NTM: variants seen among roughly 807,000 people sequenced by gnomAD.
The protein encoded by NTM is neurotrimin, also known as IgLON family member 2.
In NTM, 13 loss-of-function variants were observed where a neutral mutation model predicts 42.1. The observed-to-expected ratio is 0.31, with a 90% CI of 0.20 to 0.49. The LOEUF is 0.49. Among genes scored for constraint, NTM ranks in the 20% least tolerant of loss-of-function variants. NTM has a pLI of 0.99. For synonymous variants in NTM, 187 were observed against 179.2 expected, an observed-to-expected ratio of 1.04 and a Z score of -0.35; for missense variants, 373 against 452.8, an observed-to-expected ratio of 0.82 and a Z score of 1.60.
intron 4 of NTM, among the ~76,000 whole-genome samples, chr11:132,286,281 C>A (rs10750504): frequency 0.18 from 28,127 of 152,096 alleles, 3,047 homozygotes; most frequent in East Asian, 0.45. Context: ...TGGCCTATGG[C>A]AGTGCAGGCT....
Position 131,725,728 on chromosome 11 carries a change from C to T in NTM, c.83-185836C>T, listed in dbSNP as rs76186601. Among the ~76,000 whole-genome samples the T allele has an allele frequency of 9.2e-5, 14 of 152,252 alleles. No homozygotes were observed. In the East Asian group the frequency reaches 1.9e-3, roughly 21 times the overall value. On this transcript the variant is annotated intron_variant, in intron 1 of 8. Transcript: ENST00000683400. ...AGGCTGTTACAAATATTTAGCTCTTCGTTAGGAGTGAGATGGGAACACACT... is the reference window on the plus strand; with the variant it reads ...AGGCTGTTACAAATATTTAGCTCTTTGTTAGGAGTGAGATGGGAACACACT...
intron 2 of NTM, among the ~76,000 whole-genome samples, chr11:131,965,105 C>T (rs960389236): frequency 7.9e-5 from 12 of 151,904 alleles, no homozygotes; most frequent in Admixed American, 6.6e-4. Flanking sequence ...AGGGGAGCAT[C>T]GCAGAATGAG....
Position 131,521,520 on chromosome 11 carries a change from T to C in NTM, c.82+150632T>C, listed in dbSNP as rs996541185. Among the ~76,000 whole-genome samples, 4 of 144,806 alleles carry C rather than the reference T, an allele frequency of 2.8e-5. No individual in the cohort carries two copies. In the South Asian group the frequency reaches 9.6e-4, roughly 35 times the overall value. 95.0% of individuals were successfully genotyped at this position (144,806 alleles called of 152,430 possible). On this transcript the variant is annotated intron_variant, in intron 1 of 8. Coordinates refer to ENST00000683400, the MANE Select transcript of NTM (RefSeq NM_001352005.2). ...GCCTCCCAGGTTCAAGCCATTCTCC[T>C]GCCTCAGCCTCCCGAGTAGCTGGGA...
chr11:131,817,729 A>G (rs941847202), intron 1 of NTM, among the ~76,000 whole-genome samples: 12 of 152,162 alleles, frequency 7.9e-5, no homozygotes, highest in African/African-American at 2.9e-4. Flanking sequence ...CTCTGGTCCT[A>G]CCTTTCTGAG....
rs1377447854 is a variant in NTM, at chr11:132,104,989, A to T, written c.168-41293A>T. ...TATATATATATATATATATATATAT[A>T]TATTTCATGGGAAGCCAAATGAGGA... On this transcript the variant is annotated intron_variant, in intron 2 of 8. Coordinates refer to ENST00000683400, the MANE Select transcript of NTM (RefSeq NM_001352005.2). Among the ~76,000 whole-genome samples, 393 of 104,540 alleles carry T rather than the reference A, an allele frequency of 3.8e-3. 3 individuals are homozygous for T. The highest frequency in any genetic ancestry group is 5.9e-3 in the Non-Finnish European group (312 of 52,642). The allele number at this position is 104,540 out of a possible 152,430, so 68.6% of individuals were successfully genotyped here.
intron 1 of NTM, among the ~76,000 whole-genome samples, chr11:131,512,518 C>A (rs1231205366): frequency 6.6e-6 from 1 of 152,150 alleles, no homozygotes; most frequent in Non-Finnish European, 1.5e-5. Context: ...GATTCCCACC[C>A]ACCAGGGCAG....
At chr11:132,249,112 G>A (rs567805353) in intron 4 of NTM, among the ~76,000 whole-genome samples, 1 of 152,212 alleles carries the variant, frequency 6.6e-6, no homozygotes, top group East Asian at 1.9e-4. Flanking sequence ...AGTGATTTTG[G>A]CCTTGTCTTT....
chr11:132,231,979 C>T (rs559950303), intron 4 of NTM, among the ~76,000 whole-genome samples: 4 of 152,112 alleles, frequency 2.6e-5, no homozygotes, highest in Non-Finnish European at 4.4e-5. Context: ...CCTCCCTAGG[C>T]GATGTAGCTG....
intron 1 of NTM, among the ~76,000 whole-genome samples, chr11:131,767,772 A>G (rs1443572032): frequency 3.3e-5 from 5 of 152,146 alleles, no homozygotes; most frequent in African/African-American, 4.8e-5. Context: ...AACCAGACCC[A>G]TTTGCCCGAC....
At chr11:131,658,153 G>A (rs973340090) in intron 1 of NTM, among the ~76,000 whole-genome samples, 20 of 152,108 alleles carry the variant, frequency 1.3e-4, no homozygotes, top group Non-Finnish European at 1.5e-4. Context: ...CCCAGGGCTA[G>A]GATCTTAGTT....
At chr11:131,619,212 G>C (rs922553714) in intron 1 of NTM, among the ~76,000 whole-genome samples, 1 of 152,196 alleles carries the variant, frequency 6.6e-6, no homozygotes, top group Non-Finnish European at 1.5e-5. Flanking sequence ...GGCAAAGCCC[G>C]AATAAGGAAA....
At chr11:131,890,457 A>G (rs1480371689) in intron 1 of NTM, among the ~76,000 whole-genome samples, 1 of 152,222 alleles carries the variant, frequency 6.6e-6, no homozygotes, top group Non-Finnish European at 1.5e-5. Flanking sequence ...CAGTGGTAGG[A>G]GCTGAGCCCT....
intron 1 of NTM, among the ~76,000 whole-genome samples, chr11:131,863,738 C>G (rs2046871254): frequency 6.6e-6 from 1 of 152,194 alleles, no homozygotes; most frequent in Non-Finnish European, 1.5e-5. Context: ...CTCCCATCTG[C>G]CTTCTCTTCC....
chr11:131,376,341 G>T (rs1387448687), intron 1 of NTM, among the ~76,000 whole-genome samples: 1 of 152,058 alleles, frequency 6.6e-6, no homozygotes, highest in Non-Finnish European at 1.5e-5. Context: ...GTCTGTTTCG[G>T]TTTTTCTTGT....
chr11:131,617,992 T>C (rs2062122934), intron 1 of NTM, among the ~76,000 whole-genome samples: 1 of 152,206 alleles, frequency 6.6e-6, no homozygotes, highest in African/African-American at 2.4e-5. Flanking sequence ...TACTCTGATG[T>C]GGCCTGGGCT....
chr11:131,527,999 C>T (rs755696679), intron 1 of NTM, among the ~76,000 whole-genome samples: 5 of 152,202 alleles, frequency 3.3e-5, no homozygotes, highest in Non-Finnish European at 7.3e-5. Context: ...AAAGGAAATG[C>T]TCATTGTGAC....
In NTM at chr11:132,186,793, C is replaced by G. The variant is rs551159028; in HGVS notation, c.401-25229C>G. ...CCTAAGACATCAAACCACTGGCCCTCAAATGCACCAGGGATAGGACTCTTG... is the reference window on the plus strand; with the variant it reads ...CCTAAGACATCAAACCACTGGCCCTGAAATGCACCAGGGATAGGACTCTTG... On this transcript the variant is annotated intron_variant, in intron 3 of 8. Coordinates refer to ENST00000683400, the MANE Select transcript of NTM (RefSeq NM_001352005.2). 7.2e-5 allele frequency among the ~76,000 whole-genome samples: 11 copies of G among 152,322 alleles called. No individual in the cohort carries two copies. In the South Asian group the frequency reaches 2.1e-3, roughly 29 times the overall value.
At chr11:131,776,010 C>G (rs1243197605) in intron 1 of NTM, among the ~76,000 whole-genome samples, 1 of 152,180 alleles carries the variant, frequency 6.6e-6, no homozygotes, top group South Asian at 2.1e-4. Flanking sequence ...GAAGTTCTTT[C>G]CTGGAACAAC....
At chr11:132,197,106 A>T (rs1003177836) in intron 3 of NTM, among the ~76,000 whole-genome samples, 17 of 152,278 alleles carry the variant, frequency 1.1e-4, no homozygotes, top group Middle Eastern at 6.8e-3. Flanking sequence ...AACAGGGCTG[A>T]TGGTCATGAA....
Sources: allele counts gnomAD v4.1 joint callset (sites outside exome capture counted in the v4.1 genomes callset), GRCh38; gene constraint gnomAD v4.1.1; transcripts MANE v1.5; gene names NCBI Gene and HGNC (gene_info 2026-07-23, HGNC 2026-07-21).